The following CDKAL1 variants were observed in gnomAD, a reference collection of about 807,000 sequenced individuals.
CDKAL1 encodes the protein CDKAL1 threonylcarbamoyladenosine tRNA methylthiotransferase, also known as threonylcarbamoyladenosine tRNA methylthiotransferase.
CDKAL1 carries 32 observed loss-of-function variants against 68.2 expected under a neutral mutation model. That is an observed-to-expected ratio of 0.47 (90% CI 0.35 to 0.63). The LOEUF (loss-of-function observed/expected upper bound fraction) is 0.63. CDKAL1 is among the 30% of genes least tolerant of loss of function. CDKAL1 has a pLI of 0.00. For synonymous variants in CDKAL1, 234 were observed against 244.3 expected (o/e 0.96, Z 0.39); for missense variants, 606 against 696.7 (o/e 0.87, Z 1.47).
At chr6:20,655,559 G>A (rs1052327901) in intron 5 of CDKAL1, among the ~76,000 whole-genome samples, 8 of 152,184 alleles carry the variant, frequency 5.3e-5, no homozygotes, top group Non-Finnish European at 1.2e-4. Context: ...ATCAGCAGCA[G>A]CATTAGATTC....
chr6:21,212,518 A>G (rs1209149177), intron 15 of CDKAL1, among the ~76,000 whole-genome samples: 1 of 152,178 alleles, frequency 6.6e-6, no homozygotes, highest in Non-Finnish European at 1.5e-5. Flanking sequence ...GTAGTTTCCT[A>G]GTTTCCCTTC....
intron 5 of CDKAL1, among the ~76,000 whole-genome samples, chr6:20,717,019 A>G (rs887833034): frequency 1.3e-5 from 2 of 152,070 alleles, no homozygotes; most frequent in African/African-American, 2.4e-5. Flanking sequence ...AGTGTTGCTG[A>G]GAAATTGAGT....
intron 4 of CDKAL1, among the ~76,000 whole-genome samples, chr6:20,638,675 G>T (rs906859660): frequency 1.3e-5 from 2 of 150,172 alleles, no homozygotes; most frequent in Non-Finnish European, 3.0e-5. Context: ...GCAGTGGCGC[G>T]ATCTCAGCTC....
chr6:21,197,961 T>C, intron 13 of CDKAL1, 60 bp from the exon 14 acceptor site: 2 of 1,053,232 alleles, frequency 1.9e-6, no homozygotes, highest in South Asian at 3.2e-5. Flanking sequence ...TATTTTTATT[T>C]TTGGATTCAC....
intron 13 of CDKAL1, among the ~76,000 whole-genome samples, chr6:21,190,783 A>G (rs1202359928): frequency 6.6e-6 from 1 of 152,240 alleles, no homozygotes; most frequent in Non-Finnish European, 1.5e-5. Context: ...TTCAAGAAAC[A>G]AATGTCTATC....
chr6:20,884,755 C>T (rs1416777934), intron 9 of CDKAL1, among the ~76,000 whole-genome samples: 1 of 152,144 alleles, frequency 6.6e-6, no homozygotes, highest in African/African-American at 2.4e-5. Context: ...GAAAGTGATT[C>T]CGTTTACAAT....
chr6:20,797,760 C>CTTTATTTTATTTTAT (rs140101518), intron 8 of CDKAL1, among the ~76,000 whole-genome samples: 4,276 of 119,404 alleles, frequency 0.036, 150 homozygotes, highest in East Asian at 0.13. Flanking sequence ...TGATTGATTG[C>CTTTATTTTATTTTAT]TTTATTTTAT....
chr6:21,084,927 C>G (rs1254869222), intron 12 of CDKAL1, among the ~76,000 whole-genome samples: 1 of 152,206 alleles, frequency 6.6e-6, no homozygotes, highest in African/African-American at 2.4e-5. Context: ...TCATTCTTCT[C>G]TCTAGGTTAA....
intron 8 of CDKAL1, among the ~76,000 whole-genome samples, chr6:20,795,806 G>T (rs902970094): frequency 2.0e-5 from 3 of 152,184 alleles, no homozygotes; most frequent in Non-Finnish European, 4.4e-5. Flanking sequence ...TACTACCTGA[G>T]TGTCAAACTG....
intron 5 of CDKAL1, among the ~76,000 whole-genome samples, chr6:20,663,232 GT>G (rs34470647): frequency 1.3e-4 from 19 of 150,630 alleles, no homozygotes; most frequent in Non-Finnish European, 2.7e-4. Context: ...GAAATGTAGT[GT>G]TTTTTTTTCT....
At chr6:21,185,625 G>A (rs557466274) in intron 13 of CDKAL1, among the ~76,000 whole-genome samples, 2 of 152,274 alleles carry the variant, frequency 1.3e-5, no homozygotes, top group African/African-American at 4.8e-5. Flanking sequence ...GGCATGATGT[G>A]TCTACGTATC....
At chr6:21,147,771 G>T (rs1362228433) in intron 13 of CDKAL1, among the ~76,000 whole-genome samples, 4 of 151,982 alleles carry the variant, frequency 2.6e-5, no homozygotes, top group Admixed American at 1.3e-4. Context: ...AAAAAATCAT[G>T]TATAATCTTT....
chr6:20,852,517 A>AT (rs1271891288), intron 9 of CDKAL1, among the ~76,000 whole-genome samples: 1 of 152,204 alleles, frequency 6.6e-6, no homozygotes, highest in Non-Finnish European at 1.5e-5. Flanking sequence ...TTTAAAAGAC[A>AT]TTTTTTGGGA....
In CDKAL1 at chr6:21,176,357, G is replaced by T. The variant is rs183744362; in HGVS notation, c.1300-21664G>T. 8.5e-5 allele frequency among the ~76,000 whole-genome samples: 13 copies of T among 152,344 alleles called. 1 individual carries two copies. The East Asian group carries it at 2.5e-3, about 29-fold the overall frequency. On this transcript the variant is annotated intron_variant, in intron 13 of 15. Transcript: ENST00000274695. ...CGTGTTTAATGCTGATTAATTTGGT[G>T]TTACTGTTGCAAGGCCAAACAGTGA...
At chr6:20,739,445 A>G (rs1773346266) in intron 5 of CDKAL1, 74 bp from the exon 6 acceptor site, 2 of 826,780 alleles carry the variant, frequency 2.4e-6, no homozygotes, top group East Asian at 2.5e-5. Flanking sequence ...GAGAACTAAT[A>G]TGCACTAACA....
chr6:20,949,022 G>A (rs972807819), intron 9 of CDKAL1, among the ~76,000 whole-genome samples: 15 of 152,276 alleles, frequency 9.9e-5, no homozygotes, highest in African/African-American at 3.6e-4. Flanking sequence ...ATCAATTTAT[G>A]CCAACACATT....
chr6:20,945,071 T>TACACACACACACACAC (rs141227225), intron 9 of CDKAL1, among the ~76,000 whole-genome samples: 3 of 150,384 alleles, frequency 2.0e-5, no homozygotes, highest in East Asian at 2.0e-4. Context: ...CACACACACG[T>TACACACACACACACAC]ACACACACAC....
At chr6:20,756,714 G>A (rs911640025) in intron 6 of CDKAL1, 9 of 152,206 alleles carry the variant, frequency 5.9e-5, no homozygotes, top group Non-Finnish European at 1.0e-4. Context: ...GTGGTCAGAC[G>A]TAGAATGGAG....
At chr6:20,993,614 A>G (rs1766954827) in intron 10 of CDKAL1, 1 of 152,262 alleles carries the variant, frequency 6.6e-6, no homozygotes, top group Non-Finnish European at 1.5e-5. Flanking sequence ...ATTCAAAACT[A>G]GGTAGAATGT....
Sources: allele counts gnomAD v4.1 joint callset (sites outside exome capture counted in the v4.1 genomes callset), GRCh38; gene constraint gnomAD v4.1.1; transcripts MANE v1.5; gene names NCBI Gene and HGNC (gene_info 2026-07-23, HGNC 2026-07-21).